LSR: variants seen among roughly 807,000 people sequenced by gnomAD.
LSR encodes the protein lipolysis stimulated lipoprotein receptor.
A neutral mutation model predicts 61.8 loss-of-function variants in LSR; 44 were observed. That is an observed-to-expected ratio of 0.71 (90% CI 0.56 to 0.91). The LOEUF is 0.91. Among genes scored for constraint, LSR ranks in the 40% least tolerant of loss-of-function variants. The pLI, the probability that LSR is intolerant of heterozygous loss-of-function variation, is 0.00. For synonymous variants in LSR, 397 were observed against 350.6 expected (o/e 1.13, Z -1.48); for missense variants, 911 against 830.5 (o/e 1.10, Z -1.19).
In LSR at chr19:35,262,574, G is replaced by T. The variant is rs781763718; in HGVS notation, c.660G>T (p.Leu220=). 3.1e-6 allele frequency: 5 copies of T among 1,614,108 alleles called. No individual in the cohort carries two copies. Among genetic ancestry groups the T allele is most frequent in the Non-Finnish European group, 4.2e-6 (5 of 1,180,040 alleles). ...EDWLFVVVVC[L]AAFLIFLLLG... ...GGCTCTTCGTGGTTGTGGTATGCCTGGCTGCCTTCCTCATCTTCCTCCTCC... is the reference window on the plus strand; with the variant it reads ...GGCTCTTCGTGGTTGTGGTATGCCTTGCTGCCTTCCTCATCTTCCTCCTCC... Residue 220 remains leucine, a synonymous_variant, in exon 5 of 10, where the codon CTG becomes CTT. Coordinates refer to ENST00000605618, the MANE Select transcript of LSR (RefSeq NM_205834.4).
chr19:35,258,266 C>A (rs557624566), intron 2 of LSR, among the ~76,000 whole-genome samples: 1 of 152,014 alleles, frequency 6.6e-6, no homozygotes, highest in Admixed American at 6.5e-5. Flanking sequence ...GTCAACATGG[C>A]GAAACTCCAT....
chr19:35,253,442 G>C (rs2065820103), intron 2 of LSR: 1 of 153,006 alleles, frequency 6.5e-6, no homozygotes, highest in East Asian at 1.9e-4. Context: ...GAGAGGAAGG[G>C]GAGGGGCAGG....
chr19:35,256,508 A>G (rs900878675), intron 2 of LSR, among the ~76,000 whole-genome samples: 2 of 152,194 alleles, frequency 1.3e-5, no homozygotes, highest in African/African-American at 4.8e-5. Flanking sequence ...TATCTATTGT[A>G]TGTCACGTAG....
intron 5 of LSR, chr19:35,264,725 C>T (rs2065974189): frequency 6.6e-6 from 1 of 152,198 alleles, no homozygotes; most frequent in Non-Finnish European, 1.5e-5. Flanking sequence ...CAGTTTCCCT[C>T]CCTAGGGCTC....
intron 1 of LSR, chr19:35,249,498 C>T (rs2065762992): frequency 7.4e-6 from 2 of 270,080 alleles, no homozygotes; most frequent in Admixed American, 1.1e-4. Context: ...TTTGGAGTAA[C>T]GGGGAGAGGG....
chr19:35,265,737 A>C (rs2065988738), intron 5 of LSR, among the ~76,000 whole-genome samples: 1 of 152,186 alleles, frequency 6.6e-6, no homozygotes, highest in Non-Finnish European at 1.5e-5. Context: ...ACACTAGAGG[A>C]GACACTTTGC....
intron 4 of LSR, 86 bp from the exon 5 acceptor site, chr19:35,262,460 C>G: frequency 6.7e-7 from 1 of 1,482,560 alleles, no homozygotes; most frequent in Middle Eastern, 1.7e-4. Context: ...GACCTCAGTG[C>G]TGGCTCCGCA....
intron 5 of LSR, among the ~76,000 whole-genome samples, chr19:35,263,887 A>G (rs1327911643): frequency 1.3e-5 from 2 of 150,808 alleles, no homozygotes; most frequent in Admixed American, 6.6e-5. Flanking sequence ...GCTCACTGCA[A>G]CCTCCGCCCC....
At position 35,252,563 on chromosome 19, in the gene LSR, C is replaced by T. The variant is rs142920612; in HGVS notation, c.454+1904C>T. ...ACTCAGGAGGCTGAGGCATGAGAAT[C>T]GCTTGAACCCAGGAGGCAGAGGTTG... is the stretch of plus-strand genomic sequence containing the variant. On this transcript the variant is annotated intron_variant, in intron 2 of 9. Transcript: ENST00000605618. 5.9e-3 allele frequency among the ~76,000 whole-genome samples: 867 copies of T among 145,766 alleles called. 12 individuals carry two copies. Among genetic ancestry groups the T allele is most frequent in the African/African-American group, 0.021 (831 of 39,438 alleles).
chr19:35,262,126 C>A, intron 4 of LSR, 145 bp downstream of exon 4: 1 of 773,444 alleles, frequency 1.3e-6, no homozygotes, highest in Non-Finnish European at 2.1e-6. Context: ...GGCTCTGAGG[C>A]ATCTAGTGGT....
At chr19:35,262,092 C>T (rs2065937387) in intron 4 of LSR, 111 bp downstream of exon 4, 2 of 993,902 alleles carry the variant, frequency 2.0e-6, no homozygotes, top group Non-Finnish European at 3.0e-6. Flanking sequence ...CACTGTGGAC[C>T]CCTCACTAAC....
intron 2 of LSR, among the ~76,000 whole-genome samples, chr19:35,255,961 G>C (rs948771825): frequency 1.3e-5 from 2 of 152,274 alleles, no homozygotes; most frequent in African/African-American, 4.8e-5. Flanking sequence ...GGCCTAGCGA[G>C]GTGGCTCATG....
At chr19:35,250,953 G>A (rs1333967386) in intron 2 of LSR, among the ~76,000 whole-genome samples, 2 of 151,898 alleles carry the variant, frequency 1.3e-5, no homozygotes, top group Non-Finnish European at 2.9e-5. Flanking sequence ...GTGCCACCAC[G>A]CCCAGTTAAT....
chr19:35,260,815 C>G (rs1354548611), intron 3 of LSR, among the ~76,000 whole-genome samples: 1 of 151,650 alleles, frequency 6.6e-6, no homozygotes, highest in Non-Finnish European at 1.5e-5. Context: ...TGACAGAGAC[C>G]CTGGCTCAAG....
rs770630620 is a variant in LSR at position 35,267,721 on chromosome 19, G to A, written c.1757G>A (p.Arg586His). The change falls in exon 9 of 10, where the codon CGC becomes CAC. Residue 586 changes from arginine (R) to histidine (H), a missense_variant. By Grantham distance (29) the Arg-to-His change is conservative. Coordinates refer to ENST00000605618, the MANE Select transcript of LSR (RefSeq NM_205834.4). ...SETDSQASRERRLKKNLALSR... is the reference protein window; with the variant it reads ...SETDSQASREHRLKKNLALSR... ...ACCGACTCGCAGGCGTCCCGAGAGC[G>A]CAGGCTCAAGAAGGTGAGGGCCGCC... 1.2e-5 allele frequency: 19 copies of A among 1,604,208 alleles called. No individual in the cohort carries two copies. In the East Asian group the frequency reaches 2.0e-4, roughly 17 times the overall value.
Position 35,267,382 on chromosome 19 carries a change from G to A in LSR, c.1418G>A (p.Arg473Gln), listed in dbSNP as rs751043266. ...CCCACGAGTAATGGTGGGAGAAGCC[G>A]GGCCTACATGCCCCCGCGGAGCCGC... is the stretch of plus-strand genomic sequence containing the variant. The part of the protein sequence containing the change: ...RSPTSNGGRS[R>Q]AYMPPRSRSR... The change falls in exon 9 of 10, where the codon CGG (arginine) becomes CAG (glutamine). Residue 473 changes from arginine (R) to glutamine (Q), a missense_variant. By Grantham distance (43) the Arg-to-Gln change is conservative. Transcript: ENST00000605618. 3 of 1,602,254 alleles carry A rather than the reference G, an allele frequency of 1.9e-6. No homozygotes were observed. Among genetic ancestry groups the A allele is most frequent in the Non-Finnish European group, 1.7e-6 (2 of 1,175,282 alleles).
chr19:35,262,095 T>C, intron 4 of LSR, 114 bp downstream of exon 4: 1 of 999,206 alleles, frequency 1.0e-6, no homozygotes, highest in Non-Finnish European at 1.5e-6. Context: ...TGTGGACCCC[T>C]CACTAACCTG....
chr19:35,262,759 A>G, intron 5 of LSR, 67 bp downstream of exon 5: 1 of 1,573,104 alleles, frequency 6.4e-7, no homozygotes, highest in Non-Finnish European at 8.6e-7. Flanking sequence ...GGAGGTGGCC[A>G]TCCACCTGCC....
In LSR at chr19:35,267,240, G is replaced by A; in HGVS notation, c.1276G>A (p.Glu426Lys). 6.5e-7 allele frequency: 1 copy of A among 1,532,394 alleles called. No individual in the cohort carries two copies. Among genetic ancestry groups the A allele is most frequent in the Middle Eastern group, 2.1e-4 (1 of 4,696 alleles). The allele number at this position is 1,532,394 out of a possible 1,614,324, so 94.9% of individuals were successfully genotyped here. The change falls in exon 9 of 10, where the codon GAG becomes AAG. Residue 426 changes from glutamate to lysine, a missense_variant. Coordinates refer to ENST00000605618, the MANE Select transcript of LSR (RefSeq NM_205834.4). ...CCGGAGTCCCAGGGGATGGGACCAG[G>A]AGCCCGCCAGGGAGCAGGCAGGCGG... ...SPRSPRGWDQ[E>K]PAREQAGGGW...
Sources: gnomAD v4.1 joint callset for allele counts (sites outside exome capture counted in the v4.1 genomes callset) on GRCh38, gnomAD v4.1.1 for gene constraint, MANE v1.5 for transcripts, NCBI Gene and HGNC (gene_info 2026-07-23, HGNC 2026-07-21) for gene names.